MARK4: variants seen among roughly 807,000 people sequenced by gnomAD.
The protein encoded by MARK4 is microtubule affinity regulating kinase 4.
Under a neutral mutation model 81.5 loss-of-function variants are expected in MARK4, and 19 were observed. The ratio of observed to expected loss-of-function variants is 0.23; its 90% CI spans 0.16 to 0.34. The LOEUF is 0.34. MARK4 is among the 10% of genes least tolerant of loss of function. The probability of loss-of-function intolerance (pLI) is 1.00; values close to 1 mark genes in which losing one functional copy is unlikely to be tolerated. For synonymous variants in MARK4, 436 were observed against 439.0 expected (o/e 0.99, Z 0.08); for missense variants, 772 against 1,058.8 (o/e 0.73, Z 3.76).
At chr19:45,281,728 A>G (rs1001820301) in intron 12 of MARK4, among the ~76,000 whole-genome samples, 4 of 152,192 alleles carry the variant, frequency 2.6e-5, no homozygotes, top group African/African-American at 9.7e-5. Context: ...AAGCTCTGAT[A>G]TCAGAGTCAA....
At position 45,303,008 on chromosome 19, in the gene MARK4, G is replaced by C; in HGVS notation, c.*298G>C. The stretch of plus-strand genomic sequence containing the variant: ...TTTGGGGACAGGGCAGGGGCAGGGA[G>C]GGAAACTGAGGAAATCTTCCATTCC... On this transcript the variant is annotated 3_prime_UTR_variant, in exon 17 of 17. Coordinates refer to ENST00000262891, the MANE Select transcript of MARK4 (RefSeq NM_001199867.2). The C allele has an allele frequency of 2.2e-6, 1 of 453,582 alleles. No individual in the cohort carries two copies. Among genetic ancestry groups the C allele is most frequent in the South Asian group, 2.8e-5 (1 of 35,438 alleles). The allele number at this position is 453,582 out of a possible 1,614,324, so 28.1% of individuals were successfully genotyped here.
chr19:45,286,288 T>C (rs1970741481), intron 12 of MARK4, among the ~76,000 whole-genome samples: 1 of 151,902 alleles, frequency 6.6e-6, no homozygotes, highest in African/African-American at 2.4e-5. Context: ...TCTCCTGACC[T>C]TGTGATCCAC....
At chr19:45,287,939 T>C (rs964724082) in intron 13 of MARK4, 30 of 494,426 alleles carry the variant, frequency 6.1e-5, no homozygotes, top group African/African-American at 4.7e-4. Flanking sequence ...AATTAAGTGC[T>C]TTTAAAAATG....
At chr19:45,270,607 TC>T (rs997165551) in intron 7 of MARK4, among the ~76,000 whole-genome samples, 1 of 152,110 alleles carries the variant, frequency 6.6e-6, no homozygotes, top group Non-Finnish European at 1.5e-5. Flanking sequence ...TTCTAGCTTT[TC>T]TTTTTTTTTG....
intron 1 of MARK4, among the ~76,000 whole-genome samples, chr19:45,252,030 G>C (rs1970249843): frequency 6.6e-6 from 1 of 151,432 alleles, no homozygotes; most frequent in African/African-American, 2.4e-5. Flanking sequence ...GACCCCCCAA[G>C]GCCCGGCCCT....
intron 12 of MARK4, among the ~76,000 whole-genome samples, chr19:45,284,308 A>G (rs8108325): frequency 0.7 from 103,766 of 149,256 alleles, 36,802 homozygotes; most frequent in African/African-American, 0.8. Flanking sequence ...GTGCCCAGCC[A>G]CTCCTAGATT....
chr19:45,289,768 TCAAAA>T (rs202166917), intron 13 of MARK4, among the ~76,000 whole-genome samples: 3,369 of 149,344 alleles, frequency 0.023, 53 homozygotes, highest in Non-Finnish European at 0.035. Flanking sequence ...AGACTCTGTC[TCAAAA>T]CAAAACAAAA....
Position 45,258,960 on chromosome 19 carries a change from A to G in MARK4, c.52-29A>G, listed in dbSNP as rs370855642. 1.9e-6 allele frequency: 3 copies of G among 1,604,020 alleles called. No homozygotes were observed. In the African/African-American group the frequency reaches 4.0e-5, roughly 21 times the overall value. Reference sequence around the variant, plus strand: ...CGGGTTCCACGGAAGGTGGGATTGGATAGCTCATGCTCCATCTCCCCCGCC... The same window carrying G: ...CGGGTTCCACGGAAGGTGGGATTGGGTAGCTCATGCTCCATCTCCCCCGCC... On this transcript the variant is annotated intron_variant, in intron 1 of 16. Transcript: ENST00000262891.
At chr19:45,255,715 G>C (rs1002428061) in intron 1 of MARK4, among the ~76,000 whole-genome samples, 1 of 152,210 alleles carries the variant, frequency 6.6e-6, no homozygotes, top group African/African-American at 2.4e-5. Flanking sequence ...GTTAGTTGTC[G>C]TTGCTATCAA....
chr19:45,255,406 CA>C (rs1194613911), intron 1 of MARK4, among the ~76,000 whole-genome samples: 1 of 151,692 alleles, frequency 6.6e-6, no homozygotes, highest in Non-Finnish European at 1.5e-5. Flanking sequence ...ACTAAAAATA[CA>C]AAAATTAGAC....
intron 14 of MARK4, among the ~76,000 whole-genome samples, chr19:45,294,811 G>A (rs1457534917): frequency 6.6e-6 from 1 of 152,122 alleles, no homozygotes; most frequent in Non-Finnish European, 1.5e-5. Context: ...AGTCTGTGAG[G>A]TCTCTTCCAG....
chr19:45,262,741 C>T (rs12974762), intron 2 of MARK4, among the ~76,000 whole-genome samples: 36,369 of 152,120 alleles, frequency 0.24, 4,572 homozygotes, highest in Non-Finnish European at 0.28. Flanking sequence ...CAGGGTATGG[C>T]CCAGAGTGAG....
In MARK4 at chr19:45,287,583, C is replaced by G; in HGVS notation, c.1413C>G (p.Pro471=). The change falls in exon 13 of 17, where the codon CCC becomes CCG. Residue 471 remains proline (P), a synonymous_variant. Coordinates refer to ENST00000262891, the MANE Select transcript of MARK4 (RefSeq NM_001199867.2). ...GGAGTGGGAGTCGAGGGCTGCCCCC[C>G]TCCAGCCCCATGGTCAGCAGCGCCC... The part of the protein sequence containing the change: ...TAGSGSRGLP[P]SSPMVSSAHN... The G allele has an allele frequency of 6.3e-7, 1 of 1,598,110 alleles. No homozygotes were observed. The highest frequency in any genetic ancestry group is 1.1e-5 in the South Asian group (1 of 89,616).
chr19:45,287,448 TG>T lies in MARK4; in HGVS notation c.1280del (p.Gly427AlafsTer21). 1 of 1,425,518 alleles carries T rather than the reference TG, an allele frequency of 7.0e-7. No homozygotes were observed. The highest frequency in any genetic ancestry group is 9.2e-7 in the Non-Finnish European group (1 of 1,082,096). 88.3% of individuals were successfully genotyped at this position (1,425,518 alleles called of 1,614,324 possible). A position where few individuals can be genotyped will look rare whatever the true frequency, so the allele number is the denominator to read the frequency against. Reference sequence around the variant, plus strand: ...TCTAAACGGTACCCCCTCCCCCAGGTGGCCCATCCCCTGCACCCCTGCACCC... The same window carrying T: ...TCTAAACGGTACCCCCTCCCCCAGGTGCCCATCCCCTGCACCCCTGCACCC... ...HRQRRHSDFC[G>X]PSPAPLHPKR... On this transcript the variant is annotated frameshift_variant and splice_region_variant, in exon 13 of 17. Coordinates refer to ENST00000262891, the MANE Select transcript of MARK4 (RefSeq NM_001199867.2). LOFTEE classifies it high-confidence loss of function.
chr19:45,264,663 C>T (rs892967005), intron 4 of MARK4, 21 bp from the exon 5 acceptor site: 7 of 1,613,326 alleles, frequency 4.3e-6, no homozygotes, highest in Non-Finnish European at 5.9e-6. Flanking sequence ...TAATGCCCTA[C>T]ACTGTTCCCA....
At chr19:45,262,851 G>C (rs1970397137) in intron 2 of MARK4, 5 of 430,604 alleles carry the variant, frequency 1.2e-5, no homozygotes, top group Non-Finnish European at 2.2e-5. Context: ...TGCAACCTCT[G>C]CCTCCCAGGC....
chr19:45,299,056 C>T (rs146535615), intron 15 of MARK4, among the ~76,000 whole-genome samples: 67 of 109,216 alleles, frequency 6.1e-4, no homozygotes, highest in Admixed American at 9.9e-4. Flanking sequence ...AGAGGGAGAA[C>T]CTGTCTCTAA....
intron 13 of MARK4, among the ~76,000 whole-genome samples, chr19:45,291,214 G>T (rs1043425389): frequency 2.0e-5 from 3 of 152,176 alleles, no homozygotes; most frequent in Admixed American, 6.6e-5. Flanking sequence ...AAAGAAAAAA[G>T]AAAACAAAAT....
intron 8 of MARK4, among the ~76,000 whole-genome samples, chr19:45,272,375 G>C (rs745553116): frequency 6.6e-6 from 1 of 152,108 alleles, no homozygotes; most frequent in Non-Finnish European, 1.5e-5. Context: ...TATATGCTAC[G>C]CTGTGGGTGA....
Sources: allele counts gnomAD v4.1 joint callset (sites outside exome capture counted in the v4.1 genomes callset), GRCh38; gene constraint gnomAD v4.1.1; transcripts MANE v1.5; gene names NCBI Gene and HGNC (gene_info 2026-07-23, HGNC 2026-07-21).